The following KLHDC4 variants were observed in gnomAD, a reference collection of about 807,000 sequenced individuals.
The protein encoded by KLHDC4 is kelch domain containing 4.
KLHDC4 carries 90 observed loss-of-function variants against 62.4 expected under a neutral mutation model. That is an observed-to-expected ratio of 1.44 (90% CI 1.22 to 1.72). KLHDC4 has a LOEUF of 1.72. Among genes scored for constraint, KLHDC4 ranks in the 40% most tolerant of loss-of-function variants. The pLI, the probability that KLHDC4 is intolerant of heterozygous loss-of-function variation, is 0.00. For synonymous variants in KLHDC4, 386 were observed against 284.4 expected, an observed-to-expected ratio of 1.36 and a Z score of -3.59; for missense variants, 1,025 against 699.7, an observed-to-expected ratio of 1.47 and a Z score of -5.25.
intron 8 of KLHDC4, among the ~76,000 whole-genome samples, chr16:87,712,758 A>C (rs2036153962): frequency 6.6e-6 from 1 of 152,204 alleles, no homozygotes; most frequent in Non-Finnish European, 1.5e-5. Context: ...ATTTTAGTGC[A>C]AGAAGGAGGT....
At chr16:87,745,029 T>C (rs2042835388) in intron 5 of KLHDC4, among the ~76,000 whole-genome samples, 1 of 152,224 alleles carries the variant, frequency 6.6e-6, no homozygotes, top group East Asian at 1.9e-4. Flanking sequence ...TTTCCAAGCA[T>C]ATGTTGTTCT....
Position 87,714,636 on chromosome 16 carries a change from C to G in KLHDC4, c.760-63G>C, listed in dbSNP as rs541908770. Reference sequence around the variant, plus strand: ...CTACAGTGGTTGCTTACAGACCCCCCAACCCTGTGGGCGCATTTTGGATGG... The same window carrying G: ...CTACAGTGGTTGCTTACAGACCCCCGAACCCTGTGGGCGCATTTTGGATGG... On this transcript the variant is annotated intron_variant, in intron 7 of 11. Transcript: ENST00000270583. The G allele has an allele frequency of 5.7e-6, 9 of 1,568,990 alleles. No individual in the cohort carries two copies. The East Asian group carries it at 1.3e-4, about 23-fold the overall frequency.
At chr16:87,764,022 A>T (rs2046252908) in intron 1 of KLHDC4, among the ~76,000 whole-genome samples, 1 of 152,218 alleles carries the variant, frequency 6.6e-6, no homozygotes, top group South Asian at 2.1e-4. Flanking sequence ...GACTAAGTGA[A>T]GGTGCGAACC....
upstream of KLHDC4, chr16:87,702,734 C>CCACA (rs2034207393): frequency 4.8e-6 from 1 of 208,138 alleles, no homozygotes; most frequent in South Asian, 8.7e-5. Context: ...GCAAACATCT[C>CCACA]TGTGAACTCG....
intron 7 of KLHDC4, among the ~76,000 whole-genome samples, chr16:87,725,741 CAT>C (rs1373683815): frequency 1.3e-5 from 2 of 152,172 alleles, no homozygotes; most frequent in African/African-American, 2.4e-5. Context: ...GCAGCAGGCA[CAT>C]GTGAGGAGCA....
At chr16:87,742,593 G>C (rs144830666) in intron 5 of KLHDC4, among the ~76,000 whole-genome samples, 88 of 152,296 alleles carry the variant, frequency 5.8e-4, no homozygotes, top group African/African-American at 2.1e-3. Flanking sequence ...ATCGTGGAGA[G>C]GGTACAAGGA....
intron 2 of KLHDC4, among the ~76,000 whole-genome samples, chr16:87,759,948 G>A (rs912262206): frequency 2.6e-5 from 4 of 152,148 alleles, no homozygotes; most frequent in Non-Finnish European, 5.9e-5. Flanking sequence ...GGCAGCTGGT[G>A]TCATGCCCCC....
In KLHDC4 at chr16:87,709,572, C is replaced by T. The variant is rs138392585; in HGVS notation, c.1140G>A (p.Gly380=). The change falls in exon 10 of 12, where the codon GGG becomes GGA. Residue 380 remains glycine (G), a synonymous_variant. Coordinates refer to ENST00000270583, the MANE Select transcript of KLHDC4 (RefSeq NM_017566.4). The part of the protein sequence containing the change: ...RPACGGAGTQ[G]PVQLVKEVVA... ...CCACCTCCTTGACCAGCTGCACAGG[C>T]CCCTGGGTGCCAGCTCCCCCACACG... 11 of 1,612,894 alleles carry T rather than the reference C, an allele frequency of 6.8e-6. No individual in the cohort carries two copies. Among genetic ancestry groups the T allele is most frequent in the African/African-American group, 6.7e-5 (5 of 74,942 alleles).
chr16:87,765,259 G>A (rs934159333), intron 1 of KLHDC4: 14 of 455,940 alleles, frequency 3.1e-5, no homozygotes, highest in Admixed American at 3.1e-4. Context: ...AGCTGCTACG[G>A]GATACCCCGT....
chr16:87,709,237 C>G, intron 10 of KLHDC4, 28 bp downstream of exon 10: 2 of 1,592,400 alleles, frequency 1.3e-6, no homozygotes, highest in Non-Finnish European at 1.7e-6. Flanking sequence ...CGCTCCCGGG[C>G]ACGGAGGCAC....
At chr16:87,711,803 C>T (rs796242735) in intron 8 of KLHDC4, among the ~76,000 whole-genome samples, 3 of 152,316 alleles carry the variant, frequency 2.0e-5, no homozygotes, top group South Asian at 2.1e-4. Flanking sequence ...ACCCTCCGCC[C>T]GGCACGGGGA....
intron 2 of KLHDC4, 127 bp downstream of exon 2, chr16:87,761,822 G>C: frequency 4.3e-6 from 4 of 921,764 alleles, no homozygotes; most frequent in Admixed American, 2.1e-5. Context: ...AAGTGACCAA[G>C]AACAGGTTTT....
At chr16:87,751,417 T>C (rs2043913221) in intron 4 of KLHDC4, among the ~76,000 whole-genome samples, 2 of 150,472 alleles carry the variant, frequency 1.3e-5, no homozygotes, top group Non-Finnish European at 3.0e-5. Flanking sequence ...GAAGTTGCAG[T>C]GAGCTGAGGT....
chr16:87,716,931 CAAAAAAAAGAAAAGA>C (rs1293065407), intron 7 of KLHDC4, among the ~76,000 whole-genome samples: 3 of 146,814 alleles, frequency 2.0e-5, no homozygotes, highest in Non-Finnish European at 4.5e-5. Flanking sequence ...GACTCCGTCT[CAAAAAAAAGAAAAGA>C]AAAGAAACTA....
downstream of KLHDC4, among the ~76,000 whole-genome samples, chr16:87,705,232 G>A (rs551697389): frequency 2.6e-5 from 4 of 152,372 alleles, no homozygotes; most frequent in East Asian, 1.9e-4. Flanking sequence ...CGTGCCGGCC[G>A]CTCACGCCCT....
At chr16:87,699,697 A>C (rs1471771859) in exon 1 of KLHDC4, 1 of 152,324 alleles carries the variant, frequency 6.6e-6, no homozygotes. Context: ...AGTCTGTCTC[A>C]AAAACAAGAT....
At chr16:87,703,227 G>C (rs1050500625), downstream of KLHDC4, 1 of 152,124 alleles carries the variant, frequency 6.6e-6, no homozygotes, top group African/African-American at 2.4e-5. Flanking sequence ...TGGCGTCCCC[G>C]GGTCAGCGCG....
At chr16:87,737,347 G>T (rs1009313987) in intron 5 of KLHDC4, among the ~76,000 whole-genome samples, 1 of 151,942 alleles carries the variant, frequency 6.6e-6, no homozygotes, top group Non-Finnish European at 1.5e-5. Context: ...CAGCACTTTG[G>T]GAGGCCAAAG....
At chr16:87,706,011 G>A (rs968304800), downstream of KLHDC4, among the ~76,000 whole-genome samples, 1 of 151,884 alleles carries the variant, frequency 6.6e-6, no homozygotes, top group Admixed American at 6.6e-5. Flanking sequence ...AGCTCTCAGG[G>A]GGTTGGCACA....
Sources: gnomAD v4.1 joint callset for allele counts (sites outside exome capture counted in the v4.1 genomes callset) on GRCh38, gnomAD v4.1.1 for gene constraint, MANE v1.5 for transcripts, NCBI Gene and HGNC (gene_info 2026-07-23, HGNC 2026-07-21) for gene names.